The following LIMS1 variants were observed in gnomAD, a reference collection of about 807,000 sequenced individuals.
LIMS1 encodes LIM and senescent cell antigen-like-containing domain protein 1.
Under a neutral mutation model 44.1 loss-of-function variants are expected in LIMS1, and 18 were observed. The ratio of observed to expected loss-of-function variants is 0.41; its 90% CI spans 0.28 to 0.61. The LOEUF (loss-of-function observed/expected upper bound fraction) is 0.61. Among genes scored for constraint, LIMS1 ranks in the 20% least tolerant of loss-of-function variants. The probability of loss-of-function intolerance (pLI) is 0.32; values close to 1 mark genes in which losing one functional copy is unlikely to be tolerated. For synonymous variants in LIMS1, 93 were observed against 149.1 expected, an observed-to-expected ratio of 0.62 and a Z score of 2.74; for missense variants, 201 against 422.0, an observed-to-expected ratio of 0.48 and a Z score of 4.59.
At chr2:108,627,362 TAAG>T (rs1688635049) in intron 1 of LIMS1, among the ~76,000 whole-genome samples, 1 of 150,354 alleles carries the variant, frequency 6.7e-6, no homozygotes, top group African/African-American at 2.4e-5. Flanking sequence ...AAAGGAATGA[TAAG>T]AAGTAAAAAG....
intron 1 of LIMS1, among the ~76,000 whole-genome samples, chr2:108,571,972 A>T (rs1685494140): frequency 1.3e-5 from 2 of 152,172 alleles, no homozygotes; most frequent in African/African-American, 2.4e-5. Context: ...TTTAAAAAGG[A>T]TGGGTAAGGG....
At chr2:108,660,078 T>A (rs545387242) in intron 2 of LIMS1, 142 of 456,136 alleles carry the variant, frequency 3.1e-4, no homozygotes, top group African/African-American at 2.8e-3. Flanking sequence ...GAAAATTCTT[T>A]CTGAGTCTTC....
At chr2:108,596,002 A>T (rs770635775) in intron 1 of LIMS1, among the ~76,000 whole-genome samples, 1 of 152,212 alleles carries the variant, frequency 6.6e-6, no homozygotes, top group Non-Finnish European at 1.5e-5. Flanking sequence ...CTGAGAGCAA[A>T]GATCAGGAGT....
At chr2:108,539,434 G>A (rs1216858815) in intron 1 of LIMS1, among the ~76,000 whole-genome samples, 1 of 152,200 alleles carries the variant, frequency 6.6e-6, no homozygotes, top group Admixed American at 6.5e-5. Flanking sequence ...GTGCATGAGT[G>A]TTTGGGTCCA....
intron 1 of LIMS1, among the ~76,000 whole-genome samples, chr2:108,558,296 C>A (rs912785357): frequency 6.6e-6 from 1 of 151,662 alleles, no homozygotes; most frequent in Non-Finnish European, 1.5e-5. Context: ...TGGCTCACTG[C>A]AAGCTCCACC....
At chr2:108,679,213 T>C (rs1196923253) in intron 8 of LIMS1, among the ~76,000 whole-genome samples, 1 of 151,174 alleles carries the variant, frequency 6.6e-6, no homozygotes, top group East Asian at 1.9e-4. Flanking sequence ...GCTCAGTGGC[T>C]CACGCCTGTG....
chr2:108,566,859 C>T (rs898549002), intron 1 of LIMS1, among the ~76,000 whole-genome samples: 1 of 152,240 alleles, frequency 6.6e-6, no homozygotes, highest in South Asian at 2.1e-4. Context: ...AGCCTTCCAA[C>T]GTGCTGGGAT....
chr2:108,538,209 A>G (rs1684204533), intron 1 of LIMS1, among the ~76,000 whole-genome samples: 1 of 152,200 alleles, frequency 6.6e-6, no homozygotes, highest in Non-Finnish European at 1.5e-5. Flanking sequence ...CTGTTGCCAT[A>G]TACTGTGCAT....
At position 108,558,125 on chromosome 2, in the gene LIMS1, T is replaced by C. The variant is rs552547969; in HGVS notation, c.32+23531T>C. On this transcript the variant is annotated intron_variant, in intron 1 of 9. Coordinates refer to ENST00000544547, the Ensembl canonical transcript of LIMS1. Reference sequence around the variant, plus strand: ...CTGTTACAGTATCTTTGAAACATACTAGAAGGTAATTATAGATTTAAAATG... The same window carrying C: ...CTGTTACAGTATCTTTGAAACATACCAGAAGGTAATTATAGATTTAAAATG... Among the ~76,000 whole-genome samples, 63 of 152,320 alleles carry C rather than the reference T, an allele frequency of 4.1e-4. 3 individuals carry two copies. Among genetic ancestry groups the C allele is most frequent in the South Asian group, 2.1e-4 (1 of 4,832 alleles).
chr2:108,657,364 T>C (rs1690948361), intron 1 of LIMS1, among the ~76,000 whole-genome samples: 1 of 152,306 alleles, frequency 6.6e-6, no homozygotes, highest in African/African-American at 2.4e-5. Flanking sequence ...TGAGAGGGTT[T>C]AGAATTAACA....
chr2:108,566,170 T>C (rs1685282840), intron 1 of LIMS1, among the ~76,000 whole-genome samples: 2 of 152,226 alleles, frequency 1.3e-5, no homozygotes, highest in South Asian at 4.1e-4. Flanking sequence ...TCTGCTTTGC[T>C]TTCCTCATCA....
chr2:108,562,674 A>C (rs995458423), intron 1 of LIMS1, among the ~76,000 whole-genome samples: 2 of 152,228 alleles, frequency 1.3e-5, no homozygotes, highest in African/African-American at 4.8e-5. Context: ...AGATCTCCGA[A>C]ACATAAAAGT....
At chr2:108,678,938 G>A (rs1692757113) in intron 8 of LIMS1, among the ~76,000 whole-genome samples, 1 of 152,292 alleles carries the variant, frequency 6.6e-6, no homozygotes, top group South Asian at 2.1e-4. Context: ...AGGGGGCACA[G>A]TTGCTGGTGT....
At position 108,612,401 on chromosome 2, in the gene LIMS1, G is replaced by A. The variant is rs572527509; in HGVS notation, c.33-47204G>A. 2.2e-4 allele frequency among the ~76,000 whole-genome samples: 33 copies of A among 151,662 alleles called. 1 individual carries two copies. The highest frequency in any genetic ancestry group is 1.7e-3 in the South Asian group (8 of 4,798). On this transcript the variant is annotated intron_variant, in intron 1 of 9. Coordinates refer to ENST00000544547, the Ensembl canonical transcript of LIMS1. ...TTGCTGTTTGTATTGCTTCCAGTGC[G>A]TGTTGCTGTTCAACAGTACCCTTGG... is the stretch of plus-strand genomic sequence containing the variant.
chr2:108,631,915 T>C (rs1198052123), intron 1 of LIMS1, among the ~76,000 whole-genome samples: 1 of 152,182 alleles, frequency 6.6e-6, no homozygotes, highest in Non-Finnish European at 1.5e-5. Context: ...GTTTCTCAGC[T>C]CCTTCACATT....
chr2:108,613,764 CTT>C (rs966570537), intron 1 of LIMS1, among the ~76,000 whole-genome samples: 2 of 152,096 alleles, frequency 1.3e-5, no homozygotes, highest in Admixed American at 1.3e-4. Flanking sequence ...ACCCATGTCT[CTT>C]GTCTCATTTC....
At chr2:108,663,835 A>T (rs1273873032) in intron 2 of LIMS1, among the ~76,000 whole-genome samples, 1 of 151,702 alleles carries the variant, frequency 6.6e-6, no homozygotes, top group African/African-American at 2.4e-5. Context: ...GCTCACCGCA[A>T]CCTCCACCTT....
chr2:108,661,218 T>TTAACCCA (rs1368150658), intron 2 of LIMS1, among the ~76,000 whole-genome samples: 249 of 147,858 alleles, frequency 1.7e-3, no homozygotes, highest in African/African-American at 6.0e-3. Context: ...TAAGGAATGC[T>TTAACCCA]ATTTTATTCA....
At chr2:108,563,752 T>C (rs1244225500) in intron 1 of LIMS1, among the ~76,000 whole-genome samples, 1 of 152,116 alleles carries the variant, frequency 6.6e-6, no homozygotes, top group Admixed American at 6.5e-5. Context: ...TTTGAGAGAA[T>C]TGACTTCAAT....
Sources: allele counts gnomAD v4.1 joint callset (sites outside exome capture counted in the v4.1 genomes callset), GRCh38; gene constraint gnomAD v4.1.1; transcripts MANE v1.5; gene names NCBI Gene and HGNC (gene_info 2026-07-23, HGNC 2026-07-21).